Variants in PBX1 observed in about 807,000 individuals in gnomAD.
PBX1 encodes the protein PBX homeobox 1.
PBX1 carries 6 observed loss-of-function variants against 53.4 expected under a neutral mutation model. The ratio of observed to expected loss-of-function variants is 0.11; its 90% CI spans 0.06 to 0.22. PBX1 has a LOEUF of 0.22. PBX1 is among the 10% of genes least tolerant of loss of function. The pLI is 1.00. For missense variants in PBX1, 251 were observed against 551.4 expected (o/e 0.46, Z 5.46); for synonymous variants, 204 against 212.3 (o/e 0.96, Z 0.34).
intron 2 of PBX1, among the ~76,000 whole-genome samples, chr1:164,571,774 T>C (rs1453305712): frequency 6.7e-6 from 1 of 149,784 alleles, no homozygotes; most frequent in East Asian, 2.0e-4. Flanking sequence ...GTTTAGATTT[T>C]GAGAAAATGC....
intron 4 of PBX1, among the ~76,000 whole-genome samples, chr1:164,803,973 C>A (rs192419346): frequency 3.9e-5 from 6 of 152,208 alleles, no homozygotes; most frequent in Admixed American, 2.6e-4. Flanking sequence ...ATATTCACAT[C>A]ATAATTCAGC....
At position 164,559,911 on chromosome 1, in the gene PBX1, C is replaced by A; in HGVS notation, c.89C>A (p.Ala30Asp). 1 of 1,549,260 alleles carries A rather than the reference C, an allele frequency of 6.5e-7. No individual in the cohort carries two copies. Among genetic ancestry groups the A allele is most frequent in the Non-Finnish European group, 8.7e-7 (1 of 1,145,998 alleles). Reference sequence around the variant, plus strand: ...CTGTCCCAGCACTTGCAGGATGGGGCCGGAGGGACCGAGGGGGAGGGCGGG... The same window carrying A: ...CTGTCCCAGCACTTGCAGGATGGGGACGGAGGGACCGAGGGGGAGGGCGGG... ...PGLSQHLQDG[A>D]GGTEGEGGRK... The change falls in exon 1 of 9, where the codon GCC becomes GAC. Residue 30 changes from alanine to aspartate, a missense_variant. Transcript: ENST00000420696.
chr1:164,666,909 C>T (rs1335027875), intron 2 of PBX1, among the ~76,000 whole-genome samples: 1 of 152,128 alleles, frequency 6.6e-6, no homozygotes, highest in East Asian at 1.9e-4. Context: ...AATGATTCTC[C>T]GTTTCTCAGA....
At chr1:164,798,532 A>G (rs1356097739) in intron 3 of PBX1, among the ~76,000 whole-genome samples, 1 of 152,222 alleles carries the variant, frequency 6.6e-6, no homozygotes, top group Non-Finnish European at 1.5e-5. Flanking sequence ...GACTCTAGGA[A>G]AGGACAGAGG....
At chr1:164,879,812 C>A (rs1324057140) in intron 2 of PBX1, among the ~76,000 whole-genome samples, 5 of 152,112 alleles carry the variant, frequency 3.3e-5, no homozygotes, top group African/African-American at 9.7e-5. Flanking sequence ...ATCATTTATT[C>A]CATGTGAATA....
In PBX1 at chr1:164,847,762, G is replaced by T. The variant is rs1426354109; in HGVS notation, c.*1086G>T. 4.8e-6 allele frequency: 5 copies of T among 1,052,496 alleles called. No homozygotes were observed. Among genetic ancestry groups the T allele is most frequent in the Middle Eastern group, 4.3e-4 (1 of 2,320 alleles). 65.2% of individuals were successfully genotyped at this position (1,052,496 alleles called of 1,614,324 possible). A position where few individuals can be genotyped will look rare whatever the true frequency, so the allele number is the denominator to read the frequency against. On this transcript the variant is annotated 3_prime_UTR_variant, in exon 9 of 9. Coordinates refer to ENST00000420696, the MANE Select transcript of PBX1 (RefSeq NM_002585.4). ...AGGGAATTAGTGACTCTAAGTGAAG[G>T]TCACTGACACAGAGAAGCAGTATGT...
chr1:164,787,648 A>C (rs1271694831), intron 2 of PBX1: 1 of 152,214 alleles, frequency 6.6e-6, no homozygotes, highest in Non-Finnish European at 1.5e-5. Context: ...GAAAGAAAGA[A>C]CAGCAGGAGA....
intron 2 of PBX1, among the ~76,000 whole-genome samples, chr1:164,614,277 G>A (rs1398274075): frequency 1.3e-5 from 2 of 152,194 alleles, no homozygotes; most frequent in African/African-American, 2.4e-5. Flanking sequence ...GATGCAAAGT[G>A]TGGTTAAGTG....
At chr1:164,746,316 G>A (rs1665888083) in intron 2 of PBX1, among the ~76,000 whole-genome samples, 1 of 152,168 alleles carries the variant, frequency 6.6e-6, no homozygotes, top group Admixed American at 6.5e-5. Context: ...TAGTAAAATT[G>A]TAAATGTAAT....
intron 2 of PBX1, among the ~76,000 whole-genome samples, chr1:164,713,271 A>G (rs1056759916): frequency 1.3e-5 from 2 of 152,180 alleles, no homozygotes; most frequent in African/African-American, 4.8e-5. Context: ...CTTTGCTTCT[A>G]GATGTAATTC....
At chr1:164,678,003 A>G (rs996009359) in intron 2 of PBX1, among the ~76,000 whole-genome samples, 2 of 152,204 alleles carry the variant, frequency 1.3e-5, no homozygotes, top group African/African-American at 4.8e-5. Flanking sequence ...TAGTATGCAC[A>G]CCCAGGTCTG....
chr1:164,692,148 A>C (rs768793878), intron 2 of PBX1, among the ~76,000 whole-genome samples: 1 of 152,202 alleles, frequency 6.6e-6, no homozygotes, highest in African/African-American at 2.4e-5. Flanking sequence ...TGTGTACCAC[A>C]TTATATGCTG....
rs147180244 is a variant in PBX1 at position 164,775,199 on chromosome 1, C to T, written c.266-17295C>T. On this transcript the variant is annotated intron_variant, in intron 2 of 8. Coordinates refer to ENST00000420696, the MANE Select transcript of PBX1 (RefSeq NM_002585.4). ...CTAAATATTTACTTTTCTCTGTTAA[C>T]GGAAGGAGCCAGATAAGATTTTAAG... Among the ~76,000 whole-genome samples the T allele has an allele frequency of 7.8e-3, 1,182 of 152,208 alleles. 15 individuals are homozygous for T. In the Middle Eastern group the frequency reaches 0.088, roughly 11 times the overall value.
chr1:164,798,125 C>T (rs1488898615), intron 3 of PBX1, among the ~76,000 whole-genome samples: 1 of 152,226 alleles, frequency 6.6e-6, no homozygotes, highest in African/African-American at 2.4e-5. Context: ...AAACCCAGGC[C>T]TCCCATTCAC....
chr1:164,706,740 G>T (rs1663447057), intron 2 of PBX1, among the ~76,000 whole-genome samples: 1 of 152,196 alleles, frequency 6.6e-6, no homozygotes, highest in South Asian at 2.1e-4. Context: ...GATTTAAACA[G>T]TCTGAGTCAG....
chr1:164,750,083 T>G (rs900582266), intron 2 of PBX1, among the ~76,000 whole-genome samples: 4 of 147,826 alleles, frequency 2.7e-5, no homozygotes, highest in Admixed American at 6.8e-5. Flanking sequence ...GGTGACAGAG[T>G]GAGATCCTAA....
At position 164,648,354 on chromosome 1, in the gene PBX1, T is replaced by C. The variant is rs918454809; in HGVS notation, c.265+85043T>C. Among the ~76,000 whole-genome samples the C allele has an allele frequency of 2.6e-5, 4 of 152,328 alleles. No individual in the cohort carries two copies. In the East Asian group the frequency reaches 7.7e-4, roughly 29 times the overall value. ...TAGCCCATTTGGCTTGTGTAACTTA[T>C]TTTTCACATACTTCAAGGCCAGGAA... On this transcript the variant is annotated intron_variant, in intron 2 of 8. Transcript: ENST00000420696.
intron 2 of PBX1, among the ~76,000 whole-genome samples, chr1:164,607,066 G>T (rs530058262): frequency 6.6e-5 from 10 of 152,352 alleles, no homozygotes; most frequent in African/African-American, 2.2e-4. Context: ...AAGGCCCAGG[G>T]TCATATGATC....
At chr1:164,881,229 G>C (rs1360283758) in intron 2 of PBX1, among the ~76,000 whole-genome samples, 6 of 151,748 alleles carry the variant, frequency 4.0e-5, no homozygotes, top group Non-Finnish European at 8.8e-5. Flanking sequence ...ACCCCCCATA[G>C]TATAAAAGCC....
Sources: allele counts gnomAD v4.1 joint callset (sites outside exome capture counted in the v4.1 genomes callset), GRCh38; gene constraint gnomAD v4.1.1; transcripts MANE v1.5; gene names NCBI Gene and HGNC (gene_info 2026-07-23, HGNC 2026-07-21).